DMXL1: variants seen among roughly 807,000 people sequenced by gnomAD.
The protein encoded by DMXL1 is Dmx like 1.
Under a neutral mutation model 319.2 loss-of-function variants are expected in DMXL1, and 99 were observed. The observed-to-expected ratio is 0.31, with a 90% confidence interval of 0.26 to 0.37. The LOEUF (loss-of-function observed/expected upper bound fraction) is 0.37. Ranked by LOEUF, DMXL1 falls within the 10% of genes least tolerant of loss-of-function variation. The pLI, the probability that DMXL1 is intolerant of heterozygous loss-of-function variation, is 1.00. For synonymous variants in DMXL1, 1,385 were observed against 1,235.2 expected, an observed-to-expected ratio of 1.12 and a Z score of -2.54; for missense variants, 3,745 against 3,595.6, an observed-to-expected ratio of 1.04 and a Z score of -1.06.
intron 3 of DMXL1, among the ~76,000 whole-genome samples, chr5:119,103,205 A>G (rs1286376298): frequency 6.6e-6 from 1 of 152,098 alleles, no homozygotes; most frequent in Non-Finnish European, 1.5e-5. Flanking sequence ...TTCTTTGCTT[A>G]ACTCTCAAAT....
At chr5:119,208,753 C>T (rs1782211289) in intron 34 of DMXL1, among the ~76,000 whole-genome samples, 2 of 152,162 alleles carry the variant, frequency 1.3e-5, no homozygotes, top group South Asian at 2.1e-4. Flanking sequence ...AAGTGTACAA[C>T]TTGTTCAATT....
At chr5:119,245,396 A>G in intron 43 of DMXL1, among the ~76,000 whole-genome samples, 1 of 152,186 alleles carries the variant, frequency 6.6e-6, no homozygotes, top group African/African-American at 2.4e-5. Flanking sequence ...TCAACCAGGA[A>G]AAGACTAGAA....
intron 2 of DMXL1, among the ~76,000 whole-genome samples, chr5:119,098,644 G>A (rs1433147440): frequency 6.6e-6 from 1 of 152,084 alleles, no homozygotes; most frequent in Non-Finnish European, 1.5e-5. Context: ...AAGTAAAATA[G>A]CAACAACATA....
chr5:119,240,999 G>A (rs1788674994), intron 42 of DMXL1, among the ~76,000 whole-genome samples: 1 of 152,036 alleles, frequency 6.6e-6, no homozygotes, highest in Admixed American at 6.6e-5. Context: ...ATAAGGATTG[G>A]GATGCTGACC....
intron 7 of DMXL1, 132 bp downstream of exon 7, chr5:119,116,468 C>A (rs574974301): frequency 1.0e-6 from 1 of 958,238 alleles, no homozygotes; most frequent in Non-Finnish European, 1.5e-6. Flanking sequence ...AATATTAAAT[C>A]GTCTCTGGCC....
chr5:119,220,332 C>T, intron 35 of DMXL1, 140 bp from the exon 36 acceptor site: 1 of 685,472 alleles, frequency 1.5e-6, no homozygotes, highest in Non-Finnish European at 2.4e-6. Context: ...TATTATTTCA[C>T]TAAAAGTAAG....
chr5:119,200,283 T>G (rs1291053556), intron 32 of DMXL1, among the ~76,000 whole-genome samples: 4 of 152,218 alleles, frequency 2.6e-5, no homozygotes, highest in African/African-American at 9.6e-5. Flanking sequence ...GTTTCAATCT[T>G]CTGCATTTGG....
At chr5:119,112,289 G>C (rs984822276) in intron 5 of DMXL1, among the ~76,000 whole-genome samples, 17 of 152,128 alleles carry the variant, frequency 1.1e-4, no homozygotes, top group African/African-American at 3.6e-4. Context: ...GCACATTTTG[G>C]AAGTATGATT....
chr5:119,071,623 C>T lies in DMXL1; in HGVS notation c.54C>T (p.Phe18=), dbSNP rs1254866193. Residue 18 remains phenylalanine (F), a synonymous_variant, in exon 1 of 44, where the codon TTC becomes TTT. Coordinates refer to ENST00000539542, the MANE Select transcript of DMXL1 (RefSeq NM_001290321.3). The part of the protein sequence containing the change: ...TGAVNPGDHC[F]SVGSIGDQRF... ...CTGTGAACCCTGGCGACCACTGCTT[C>T]TCCGTGGGCAGCATTGGCGACCAGC... 1 of 1,603,298 alleles carries T rather than the reference C, an allele frequency of 6.2e-7. No individual in the cohort carries two copies. Among genetic ancestry groups the T allele is most frequent in the Non-Finnish European group, 8.5e-7 (1 of 1,175,416 alleles).
At position 119,170,311 on chromosome 5, in the gene DMXL1, A is replaced by G. The variant is rs756686014; in HGVS notation, c.5520A>G (p.Leu1840=). Residue 1840 remains leucine, a synonymous_variant, in exon 24 of 44, where the codon CTA becomes CTG. Coordinates refer to ENST00000539542, the MANE Select transcript of DMXL1 (RefSeq NM_001290321.3). ...SSDTFSTHMS[L]TGKSGLAGTI... is the part of the protein sequence containing the mutation. ...ATACATTTTCCACACATATGAGCCT[A>G]ACAGGAAAAAGTGGACTGGCAGGAA... 6.2e-7 allele frequency: 1 copy of G among 1,614,000 alleles called. No individual in the cohort carries two copies. The highest frequency in any genetic ancestry group is 1.1e-5 in the South Asian group (1 of 91,082).
chr5:119,148,444 A>G (rs1769054647), intron 17 of DMXL1, among the ~76,000 whole-genome samples: 1 of 152,142 alleles, frequency 6.6e-6, no homozygotes, highest in Admixed American at 6.6e-5. Context: ...ACCTTCAAGA[A>G]TTGAAGTAAA....
intron 34 of DMXL1, among the ~76,000 whole-genome samples, chr5:119,211,897 A>C (rs1292904404): frequency 6.6e-6 from 1 of 152,278 alleles, no homozygotes; most frequent in Non-Finnish European, 1.5e-5. Context: ...TAGGGCTGAT[A>C]ATTTTAAACC....
intron 3 of DMXL1, among the ~76,000 whole-genome samples, chr5:119,103,018 C>A (rs1043071648): frequency 3.3e-5 from 5 of 151,746 alleles, no homozygotes; most frequent in African/African-American, 1.2e-4. Context: ...ACAAGAAAAT[C>A]CCTTGACACG....
intron 10 of DMXL1, among the ~76,000 whole-genome samples, chr5:119,131,352 A>G (rs1764853272): frequency 6.6e-6 from 1 of 152,150 alleles, no homozygotes; most frequent in Non-Finnish European, 1.5e-5. Flanking sequence ...GTTGATACAC[A>G]GTTTATTTTT....
At chr5:119,115,796 C>T (rs1760713140) in intron 6 of DMXL1, among the ~76,000 whole-genome samples, 1 of 152,024 alleles carries the variant, frequency 6.6e-6, no homozygotes, top group African/African-American at 2.4e-5. Flanking sequence ...CAATAATTAG[C>T]AGTCTTCATA....
intron 38 of DMXL1, among the ~76,000 whole-genome samples, chr5:119,228,043 C>CAAAACCATAATTATTAA (rs1785923694): frequency 6.6e-6 from 1 of 152,190 alleles, no homozygotes; most frequent in African/African-American, 2.4e-5. Flanking sequence ...AGCAATGTTT[C>CAAAACCATAATTATTAA]AAAACCATAA....
At chr5:119,244,688 TGTAGTCA>T in intron 43 of DMXL1, 112 bp downstream of exon 43, 1 of 733,422 alleles carries the variant, frequency 1.4e-6, no homozygotes, top group South Asian at 2.1e-5. Flanking sequence ...TTAATTCCTT[TGTAGTCA>T]GCAGTGCTAA....
At chr5:119,163,818 G>A (rs961529757) in intron 19 of DMXL1, among the ~76,000 whole-genome samples, 1 of 151,956 alleles carries the variant, frequency 6.6e-6, no homozygotes, top group Non-Finnish European at 1.5e-5. Context: ...CTCGTGATCC[G>A]CCCGCCTCGG....
chr5:119,187,031 A>T (rs1004265970), intron 28 of DMXL1, among the ~76,000 whole-genome samples: 1 of 152,200 alleles, frequency 6.6e-6, no homozygotes. Flanking sequence ...TTATGTAACA[A>T]ACCTGCACGT....
Sources: allele counts gnomAD v4.1 joint callset (sites outside exome capture counted in the v4.1 genomes callset), GRCh38; gene constraint gnomAD v4.1.1; transcripts MANE v1.5; gene names NCBI Gene and HGNC (gene_info 2026-07-23, HGNC 2026-07-21).